HMCN1: variants seen among roughly 807,000 people sequenced by gnomAD.
The protein encoded by HMCN1 is hemicentin-1.
In HMCN1, 321 loss-of-function variants were observed where a neutral mutation model predicts 625.9. The observed-to-expected ratio is 0.51, with a 90% CI of 0.47 to 0.56. HMCN1 has a LOEUF of 0.56. Among genes scored for constraint, HMCN1 ranks in the 20% least tolerant of loss-of-function variants. The pLI is 0.00. For missense variants in HMCN1, 6,588 were observed against 6,887.3 expected (o/e 0.96, Z 1.54); for synonymous variants, 2,425 against 2,417.6 (o/e 1.00, Z -0.09).
At chr1:186,167,960 A>G (rs1651979921) in intron 100 of HMCN1, among the ~76,000 whole-genome samples, 1 of 152,144 alleles carries the variant, frequency 6.6e-6, no homozygotes, top group Non-Finnish European at 1.5e-5. Context: ...AGGAAAAGAC[A>G]GTGGATCCAA....
intron 1 of HMCN1, among the ~76,000 whole-genome samples, chr1:185,828,330 G>T (rs1227351316): frequency 6.6e-6 from 1 of 152,058 alleles, no homozygotes; most frequent in Non-Finnish European, 1.5e-5. Flanking sequence ...GAGGGTCATG[G>T]TCTTGATGTT....
Position 185,925,207 on chromosome 1 carries a change from T to A in HMCN1, c.1430+16T>A. The A allele has an allele frequency of 6.2e-7, 1 of 1,605,708 alleles. No homozygotes were observed. The highest frequency in any genetic ancestry group is 8.5e-7 in the Non-Finnish European group (1 of 1,172,372). On this transcript the variant is annotated intron_variant, in intron 9 of 106. Transcript: ENST00000271588. The stretch of plus-strand genomic sequence containing the variant: ...AGTATTTGAAGTAGGTACATGTTTC[T>A]GTCAGTAATAAGATTCAGCATTTAA...
chr1:185,956,456 C>T (rs1219870717), intron 11 of HMCN1, among the ~76,000 whole-genome samples: 4 of 152,136 alleles, frequency 2.6e-5, no homozygotes, highest in Non-Finnish European at 5.9e-5. Context: ...ACACACTTTA[C>T]TTTTACTCAT....
intron 17 of HMCN1, among the ~76,000 whole-genome samples, chr1:185,981,326 GCACACACACA>G (rs58305455): frequency 6.8e-6 from 1 of 147,742 alleles, no homozygotes; most frequent in Admixed American, 6.8e-5. Flanking sequence ...ATACACACAT[GCACACACACA>G]CACACACACA....
At chr1:186,122,685 G>T (rs1434839880) in intron 80 of HMCN1, among the ~76,000 whole-genome samples, 1 of 152,172 alleles carries the variant, frequency 6.6e-6, no homozygotes, top group African/African-American at 2.4e-5. Context: ...TTCTAGACAT[G>T]CATGCCCTCA....
In HMCN1 at chr1:185,925,208, G is replaced by A. The variant is rs1324607741; in HGVS notation, c.1430+17G>A. 6.2e-7 allele frequency: 1 copy of A among 1,604,882 alleles called. No individual in the cohort carries two copies. Among genetic ancestry groups the A allele is most frequent in the South Asian group, 1.1e-5 (1 of 90,888 alleles). ...GTATTTGAAGTAGGTACATGTTTCT[G>A]TCAGTAATAAGATTCAGCATTTAAC... On this transcript the variant is annotated intron_variant, in intron 9 of 106. Transcript: ENST00000271588.
intron 1 of HMCN1, among the ~76,000 whole-genome samples, chr1:185,788,244 C>T (rs1364586553): frequency 6.6e-6 from 1 of 152,218 alleles, no homozygotes; most frequent in Non-Finnish European, 1.5e-5. Context: ...TTCATTTATG[C>T]ATTTATTTAA....
intron 36 of HMCN1, among the ~76,000 whole-genome samples, chr1:186,036,067 T>A (rs1655800383): frequency 6.6e-6 from 1 of 152,204 alleles, no homozygotes; most frequent in Non-Finnish European, 1.5e-5. Flanking sequence ...TTCATGAATA[T>A]AAATCATGTT....
intron 15 of HMCN1, among the ~76,000 whole-genome samples, chr1:185,972,842 T>C (rs1252350923): frequency 6.6e-6 from 1 of 152,172 alleles, no homozygotes; most frequent in Non-Finnish European, 1.5e-5. Flanking sequence ...ATATATTCTT[T>C]GACCTTGTGC....
rs375584830 is a variant in HMCN1 at position 186,090,837 on chromosome 1, T to A, written c.9807T>A (p.Asn3269Lys). 6.8e-6 allele frequency: 11 copies of A among 1,612,548 alleles called. No individual in the cohort carries two copies. The African/African-American group carries it at 1.2e-4, about 18-fold the overall frequency. The change falls in exon 64 of 107, where the codon AAT (asparagine) becomes AAA (lysine). Residue 3269 changes from asparagine to lysine, a missense_variant. Asn to Lys is a moderately conservative substitution (Grantham distance 94, BLOSUM62 0). This residue lies in a region of HMCN1 where 4,628 missense variants were observed against 4,853.1 expected (regional missense o/e 0.95). Transcript: ENST00000271588. ...LLGENVELVC[N>K]ANGIPTPLIQ... Reference sequence around the variant, plus strand: ...GAGAAAATGTTGAGCTGGTCTGCAATGCAAATGGCATTCCTACTCCACTTA... The same window carrying A: ...GAGAAAATGTTGAGCTGGTCTGCAAAGCAAATGGCATTCCTACTCCACTTA...
In HMCN1 at chr1:186,095,237, A is replaced by G. The variant is rs777488942; in HGVS notation, c.10295-6A>G. On this transcript the variant is annotated splice_polypyrimidine_tract_variant and splice_region_variant and intron_variant, in intron 67 of 106. Transcript: ENST00000271588. ...CCAAATTTTGCCCATGTTGTTTTCT[A>G]TGTAGCACCACCAAATATGGACAAT... is the stretch of plus-strand genomic sequence containing the variant. The G allele has an allele frequency of 1.1e-5, 17 of 1,613,512 alleles. No homozygotes were observed. The highest frequency in any genetic ancestry group is 5.0e-5 in the Admixed American group (3 of 59,888).
At chr1:186,156,875 G>A (rs1651060581) in intron 97 of HMCN1, among the ~76,000 whole-genome samples, 2 of 152,054 alleles carry the variant, frequency 1.3e-5, no homozygotes, top group African/African-American at 4.8e-5. Flanking sequence ...CATTGTTCTA[G>A]GTGTTGACAG....
chr1:186,055,511 G>T lies in HMCN1; in HGVS notation c.6981G>T (p.Met2327Ile), dbSNP rs12067376. The T allele has an allele frequency of 3.7e-6, 6 of 1,612,858 alleles. No homozygotes were observed. The highest frequency in any genetic ancestry group is 4.2e-6 in the Non-Finnish European group (5 of 1,179,330). The change falls in exon 45 of 107, where the codon ATG becomes ATT. Residue 2327 changes from methionine (M) to isoleucine (I), a missense_variant. By Grantham distance (10) the Met-to-Ile change is conservative. Transcript: ENST00000271588. The stretch of plus-strand genomic sequence containing the variant: ...TTCCACCACCAACAGTGACCTGGAT[G>T]AAAGATGGCCACCCCTTGATCAAGG... ...QGIPPPTVTW[M>I]KDGHPLIKAK...
rs755694370 is a variant in HMCN1 at position 186,182,210 on chromosome 1, G to A, written c.16337G>A (p.Cys5446Tyr). The change falls in exon 105 of 107, where the codon TGT becomes TAT. Residue 5446 changes from cysteine to tyrosine, a missense_variant. Coordinates refer to ENST00000271588, the MANE Select transcript of HMCN1 (RefSeq NM_031935.3). ...CENTDACQHECKNTFGSYQCI... is the reference protein window; with the variant it reads ...CENTDACQHEYKNTFGSYQCI... Reference sequence around the variant, plus strand: ...AATACAGATGCCTGCCAGCATGAGTGTAAGAATACCTTTGGAAGTTATCAG... The same window carrying A: ...AATACAGATGCCTGCCAGCATGAGTATAAGAATACCTTTGGAAGTTATCAG... 3 of 1,613,442 alleles carry A rather than the reference G, an allele frequency of 1.9e-6. No homozygotes were observed. The highest frequency in any genetic ancestry group is 2.5e-6 in the Non-Finnish European group (3 of 1,179,458).
chr1:186,167,020 T>C, intron 100 of HMCN1, 78 bp downstream of exon 100: 1 of 1,574,638 alleles, frequency 6.4e-7, no homozygotes, highest in Non-Finnish European at 8.7e-7. Context: ...AAAAGTTAAC[T>C]GTCTCAGAAA....
intron 56 of HMCN1, 90 bp downstream of exon 56, chr1:186,081,484 T>A: frequency 1.1e-6 from 1 of 884,378 alleles, no homozygotes; most frequent in East Asian, 2.6e-5. Context: ...TAATTTTTAT[T>A]AGCTTGTAAA....
chr1:186,076,486 T>C lies in HMCN1; in HGVS notation c.8349T>C (p.Asn2783=), dbSNP rs780465741. The C allele has an allele frequency of 6.2e-7, 1 of 1,613,604 alleles. No individual in the cohort carries two copies. The highest frequency in any genetic ancestry group is 1.7e-5 in the Admixed American group (1 of 59,936). Residue 2783 remains asparagine, a synonymous_variant, in exon 54 of 107, where the codon AAT becomes AAC. Transcript: ENST00000271588. ...EIGNMLDTGR[N]GEAKDVIINN... ...GAAACATGCTAGATACTGGCAGGAA[T>C]GGTGAAGCCAAAGATGTGATCATCA...
intron 2 of HMCN1, among the ~76,000 whole-genome samples, chr1:185,851,420 G>A (rs561926975): frequency 3.9e-5 from 6 of 152,168 alleles, no homozygotes; most frequent in African/African-American, 1.4e-4. Flanking sequence ...GTGAGAAAAA[G>A]CAATCTAAAA....
intron 4 of HMCN1, among the ~76,000 whole-genome samples, chr1:185,885,954 AT>A (rs1297484335): frequency 1.3e-5 from 2 of 152,094 alleles, no homozygotes; most frequent in Non-Finnish European, 2.9e-5. Context: ...TCTCTTTACA[AT>A]TTTGTAGACA....
Sources: gnomAD v4.1 joint callset for allele counts (sites outside exome capture counted in the v4.1 genomes callset) on GRCh38, gnomAD v4.1.1 for gene constraint, gnomAD v4.1.1 regional missense constraint, MANE v1.5 for transcripts, NCBI Gene and HGNC (gene_info 2026-07-23, HGNC 2026-07-21) for gene names.